Variants in MYCBPAP observed in about 807,000 individuals in gnomAD.
MYCBPAP encodes MYCBP associated protein.
MYCBPAP carries 60 observed loss-of-function variants against 106.1 expected under a neutral mutation model. That is an observed-to-expected ratio of 0.57 (90% CI 0.46 to 0.70). The LOEUF is 0.70. Ranked by LOEUF, MYCBPAP falls within the 30% of genes least tolerant of loss-of-function variation. The pLI, the probability that MYCBPAP is intolerant of heterozygous loss-of-function variation, is 0.00. For synonymous variants in MYCBPAP, 407 were observed against 440.6 expected, an observed-to-expected ratio of 0.92 and a Z score of 0.95; for missense variants, 1,064 against 1,169.3, an observed-to-expected ratio of 0.91 and a Z score of 1.31.
intron 18 of MYCBPAP, chr17:50,530,154 C>T (rs1237576363): frequency 2.6e-6 from 1 of 387,560 alleles, no homozygotes; most frequent in African/African-American, 2.1e-5. Flanking sequence ...GCTCTGAGGA[C>T]CCATGGGGGT....
At chr17:50,517,190 T>G (rs2034082258) in intron 2 of MYCBPAP, 103 bp from the exon 3 acceptor site, 3 of 1,054,892 alleles carry the variant, frequency 2.8e-6, no homozygotes, top group African/African-American at 1.6e-5. Context: ...AACAGATCTG[T>G]CAGCCTTCAG....
In MYCBPAP at chr17:50,521,411, C is replaced by T. The variant is rs753504240; in HGVS notation, c.1128C>T (p.Ser376=). Residue 376 remains serine, a synonymous_variant, in exon 9 of 19, where the codon TCC becomes TCT. Coordinates refer to ENST00000323776, the MANE Select transcript of MYCBPAP (RefSeq NM_032133.6). The part of the protein sequence containing the change: ...YTVFERSQGS[S]SEDTAYLGTL... ...TGTTTGAAAGAAGTCAGGGAAGCTC[C>T]TCTGAAGACACAGCATACTTGTGAG... 6.3e-7 allele frequency: 1 copy of T among 1,598,414 alleles called. No homozygotes were observed. Among genetic ancestry groups the T allele is most frequent in the Admixed American group, 1.7e-5 (1 of 58,380 alleles).
chr17:50,523,880 T>A, intron 12 of MYCBPAP, 96 bp downstream of exon 12: 1 of 1,245,236 alleles, frequency 8.0e-7, no homozygotes, highest in Non-Finnish European at 1.1e-6. Context: ...TCTCCCAGCC[T>A]AAGAGGAGAA....
chr17:50,514,113 T>C (rs1186032429), intron 1 of MYCBPAP, among the ~76,000 whole-genome samples: 1 of 152,224 alleles, frequency 6.6e-6, no homozygotes, highest in Non-Finnish European at 1.5e-5. Flanking sequence ...GGTTTTGAAC[T>C]CCTGGCCTCA....
chr17:50,531,357 G>A lies in MYCBPAP; in HGVS notation c.2755G>A (p.Asp919Asn), dbSNP rs746210140. 7 of 1,613,194 alleles carry A rather than the reference G, an allele frequency of 4.3e-6. No individual in the cohort carries two copies. The highest frequency in any genetic ancestry group is 1.1e-5 in the South Asian group (1 of 90,744). The stretch of plus-strand genomic sequence containing the variant: ...TGGGCTGCTGGACACCCTGGTGACT[G>A]ACCTGATGGTCCTGGCTGATGAGCT... ...VRGLLDTLVT[D>N]LMVLADELSP... is the part of the protein sequence containing the mutation. The change falls in exon 19 of 19, where the codon GAC becomes AAC. Residue 919 changes from aspartate (D) to asparagine (N), a missense_variant. Asp to Asn is a conservative substitution (Grantham distance 23). Transcript: ENST00000323776.
At chr17:50,512,333 C>T (rs892494634) in intron 1 of MYCBPAP, among the ~76,000 whole-genome samples, 5 of 152,104 alleles carry the variant, frequency 3.3e-5, no homozygotes, top group Admixed American at 6.5e-5. Flanking sequence ...GGATTACAGG[C>T]GTGAGCCACC....
Position 50,521,103 on chromosome 17 carries a change from A to G in MYCBPAP, c.917-7A>G. The G allele has an allele frequency of 6.2e-7, 1 of 1,608,448 alleles. No individual in the cohort carries two copies. Among genetic ancestry groups the G allele is most frequent in the African/African-American group, 1.3e-5 (1 of 74,980 alleles). ...CCTGTGCTGAGGGTCCTTGGACCTC[A>G]TGCTAGGATTACCAGCCCAGAGGGA... On this transcript the variant is annotated splice_region_variant and splice_polypyrimidine_tract_variant and intron_variant, in intron 7 of 18. Coordinates refer to ENST00000323776, the MANE Select transcript of MYCBPAP (RefSeq NM_032133.6).
Position 50,528,287 on chromosome 17 carries a change from C to G in MYCBPAP, c.2407+17C>G. 1 of 1,580,812 alleles carries G rather than the reference C, an allele frequency of 6.3e-7. No homozygotes were observed. Among genetic ancestry groups the G allele is most frequent in the Non-Finnish European group, 8.7e-7 (1 of 1,152,386 alleles). On this transcript the variant is annotated intron_variant, in intron 16 of 18. Transcript: ENST00000323776. Reference sequence around the variant, plus strand: ...AAGAGCAAGGTCAGATCTTGTGCAACCAACCACACCTCTGCATAGCCCTCC... The same window carrying G: ...AAGAGCAAGGTCAGATCTTGTGCAAGCAACCACACCTCTGCATAGCCCTCC...
intron 5 of MYCBPAP, 76 bp downstream of exon 5, chr17:50,518,800 A>G: frequency 6.5e-7 from 1 of 1,546,278 alleles, no homozygotes; most frequent in Non-Finnish European, 8.8e-7. Context: ...GCTCTCCTCC[A>G]GAGCCTGGCC....
At chr17:50,529,245 G>A (rs4793659) in intron 18 of MYCBPAP, 57 bp downstream of exon 18, 1,111,133 of 1,514,744 alleles carry the variant, frequency 0.73, 410,052 homozygotes, top group African/African-American at 0.9. Flanking sequence ...TATTCATTCC[G>A]TTCAGTCTGC....
chr17:50,524,762 AT>A, intron 12 of MYCBPAP, 114 bp from the exon 13 acceptor site: 1 of 605,958 alleles, frequency 1.7e-6, no homozygotes, highest in Non-Finnish European at 2.6e-6. Context: ...GAGAGAGACA[AT>A]GGCAGGAACT....
At chr17:50,529,823 C>G (rs1475698779) in intron 18 of MYCBPAP, 1 of 456,540 alleles carries the variant, frequency 2.2e-6, no homozygotes, top group Non-Finnish European at 4.4e-6. Context: ...TTCCCATCAA[C>G]TGTAAGAGTT....
rs947068783 is a variant in MYCBPAP, at chr17:50,525,737, T to G, written c.1783-144T>G. ...AACTCCTGAGTTCAAGTGATCTTCC[T>G]ACCGTGGCTTCCCAAAGCACTGGGA... On this transcript the variant is annotated intron_variant, in intron 13 of 18. Transcript: ENST00000323776. 1.8e-5 allele frequency: 15 copies of G among 847,150 alleles called. No individual in the cohort carries two copies. The Admixed American group carries it at 2.5e-4, about 14-fold the overall frequency. 52.5% of individuals were successfully genotyped at this position (847,150 alleles called of 1,614,324 possible).
At chr17:50,529,367 T>C in intron 18 of MYCBPAP, 179 bp downstream of exon 18, 1 of 614,588 alleles carries the variant, frequency 1.6e-6, no homozygotes, top group Non-Finnish European at 2.8e-6. Context: ...TGTTAGGTGA[T>C]GAGTACGACG....
Position 50,519,795 on chromosome 17 carries a change from G to A in MYCBPAP, c.916+8G>A, listed in dbSNP as rs199765728. On this transcript the variant is annotated splice_region_variant and intron_variant, in intron 7 of 18. Coordinates refer to ENST00000323776, the MANE Select transcript of MYCBPAP (RefSeq NM_032133.6). ...CCATCCGGGTGGAGACAGGTGAGGC[G>A]CAGGGCTGTAAGCCAGCTAGCATCT... The A allele has an allele frequency of 1.5e-4, 249 of 1,612,126 alleles. No homozygotes were observed. The South Asian group carries it at 1.8e-3, about 11-fold the overall frequency.
chr17:50,515,800 T>C (rs1399133833), intron 1 of MYCBPAP: 1 of 152,216 alleles, frequency 6.6e-6, no homozygotes, highest in Non-Finnish European at 1.5e-5. Context: ...AGCTTATAAA[T>C]AGCATAGCCT....
Position 50,508,664 on chromosome 17 carries a change from CGGG to C in MYCBPAP, c.-10_-8del, listed in dbSNP as rs1942124844. 6.2e-7 allele frequency: 1 copy of C among 1,600,162 alleles called. No homozygotes were observed. Among genetic ancestry groups the C allele is most frequent in the East Asian group, 2.3e-5 (1 of 44,428 alleles). ...GGTGCAGGGCAACGTTTCATGGTGC[CGGG>C]CGGCACCATGAAGTCTCTAAAGAAG... On this transcript the variant is annotated 5_prime_UTR_variant, in exon 1 of 19. Coordinates refer to ENST00000323776, the MANE Select transcript of MYCBPAP (RefSeq NM_032133.6).
chr17:50,520,980 A>G, intron 7 of MYCBPAP, 130 bp from the exon 8 acceptor site: 1 of 699,852 alleles, frequency 1.4e-6, no homozygotes, highest in East Asian at 2.7e-5. Flanking sequence ...TCTAGCTGCC[A>G]CAGGGAAGCT....
intron 12 of MYCBPAP, among the ~76,000 whole-genome samples, chr17:50,524,097 T>C (rs990717163): frequency 9.2e-5 from 14 of 152,324 alleles, no homozygotes; most frequent in African/African-American, 3.4e-4. Flanking sequence ...CTGGTCTGTG[T>C]TTTGTTCATC....
Sources: gnomAD v4.1 joint callset for allele counts (sites outside exome capture counted in the v4.1 genomes callset) on GRCh38, gnomAD v4.1.1 for gene constraint, MANE v1.5 for transcripts, NCBI Gene and HGNC (gene_info 2026-07-23, HGNC 2026-07-21) for gene names.